The following BLNK variants were observed in gnomAD, a reference collection of about 807,000 sequenced individuals.
The protein encoded by BLNK is B-cell linker protein.
BLNK carries 29 observed loss-of-function variants against 73.5 expected under a neutral mutation model. The observed-to-expected ratio is 0.39, with a 90% CI of 0.29 to 0.54. The LOEUF (loss-of-function observed/expected upper bound fraction) is 0.54. BLNK is among the 20% of genes least tolerant of loss of function. The probability of loss-of-function intolerance (pLI) is 0.61; values close to 1 mark genes in which losing one functional copy is unlikely to be tolerated. For synonymous variants in BLNK, 176 were observed against 200.8 expected, an observed-to-expected ratio of 0.88 and a Z score of 1.04; for missense variants, 460 against 562.8, an observed-to-expected ratio of 0.82 and a Z score of 1.85.
At position 96,230,778 on chromosome 10, in the gene BLNK, A is replaced by C; in HGVS notation, c.204+16T>G. The C allele has an allele frequency of 6.2e-7, 1 of 1,606,490 alleles. No homozygotes were observed. The highest frequency in any genetic ancestry group is 8.5e-7 in the Non-Finnish European group (1 of 1,176,656). On this transcript the variant is annotated intron_variant, in intron 4 of 16. Transcript: ENST00000224337. The stretch of plus-strand genomic sequence containing the variant: ...GGGACCCTGATGCCCTCCTGGTCCC[A>C]GGAGCAAATACTTACAAAGTCATCG...
At chr10:96,270,585 A>G (rs1844226627) in intron 1 of BLNK, among the ~76,000 whole-genome samples, 7 of 151,748 alleles carry the variant, frequency 4.6e-5, no homozygotes, top group Admixed American at 4.6e-4. Context: ...CACCTTCTGC[A>G]CATGTACCCC....
intron 1 of BLNK, among the ~76,000 whole-genome samples, chr10:96,265,739 A>G (rs1270776153): frequency 6.6e-6 from 1 of 152,242 alleles, no homozygotes; most frequent in Non-Finnish European, 1.5e-5. Flanking sequence ...ATAGAAATGA[A>G]TATTTGCTTA....
intron 16 of BLNK, among the ~76,000 whole-genome samples, chr10:96,192,319 T>G (rs1554893644): frequency 6.7e-6 from 1 of 150,178 alleles, no homozygotes; most frequent in South Asian, 2.1e-4. Flanking sequence ...TCAATTAGCA[T>G]AGCTACTTAG....
At chr10:96,207,341 T>G (rs1554897653) in intron 10 of BLNK, among the ~76,000 whole-genome samples, 1 of 151,910 alleles carries the variant, frequency 6.6e-6, no homozygotes, top group African/African-American at 2.4e-5. Context: ...AGCTGCCACA[T>G]AGTAACCCAT....
intron 7 of BLNK, chr10:96,216,379 G>A: frequency 2.1e-6 from 1 of 483,386 alleles, no homozygotes; most frequent in Non-Finnish European, 3.8e-6. Flanking sequence ...AGCGAGGGCA[G>A]CTGAAGAGAA....
chr10:96,268,639 A>G (rs1473094344), intron 1 of BLNK, among the ~76,000 whole-genome samples: 1 of 152,166 alleles, frequency 6.6e-6, no homozygotes, highest in African/African-American at 2.4e-5. Flanking sequence ...TTCATCCAGA[A>G]CATTCCCTTT....
intron 8 of BLNK, among the ~76,000 whole-genome samples, chr10:96,212,340 T>C (rs2083967821): frequency 7.4e-6 from 1 of 134,284 alleles, no homozygotes; most frequent in South Asian, 2.4e-4. Context: ...GGATTCTGAA[T>C]AATAACAATA....
chr10:96,240,456 C>T (rs7069961), intron 3 of BLNK, among the ~76,000 whole-genome samples: 1,540 of 152,178 alleles, frequency 0.01, 27 homozygotes, highest in African/African-American at 0.035. Context: ...GATGGGATCT[C>T]GCTATATTGA....
rs1554894825 is a variant in BLNK, at chr10:96,196,943, G to C, written c.1216C>G (p.Gln406Glu). Residue 406 changes from glutamine (Q) to glutamate (E), a missense_variant, in exon 16 of 17, where the codon CAA becomes GAA. Physicochemically the swap from Gln to Glu is conservative, Grantham distance 29 (BLOSUM62 2). Transcript: ENST00000224337. ...TTTTTCTTTCTGCCCAAGGCATATT[G>C]TTTTGTTGCTTCAATAAATCGCACA... Reference protein sequence around the residue: ...IPVRFIEATKQYALGRKKNGE... With the variant: ...IPVRFIEATKEYALGRKKNGE... 6.8e-6 allele frequency: 11 copies of C among 1,613,302 alleles called. No individual in the cohort carries two copies. In the Admixed American group the frequency reaches 1.8e-4, roughly 27 times the overall value.
At chr10:96,233,020 G>T (rs1554904359) in intron 3 of BLNK, among the ~76,000 whole-genome samples, 1 of 152,088 alleles carries the variant, frequency 6.6e-6, no homozygotes, top group African/African-American at 2.4e-5. Flanking sequence ...TGCCCAGGCT[G>T]GTCTTGAACT....
intron 3 of BLNK, among the ~76,000 whole-genome samples, chr10:96,234,579 G>A (rs587673725): frequency 5.3e-5 from 8 of 152,230 alleles, no homozygotes; most frequent in African/African-American, 1.9e-4. Flanking sequence ...TTCCTCACCC[G>A]TAAAGCAAGG....
intron 1 of BLNK, among the ~76,000 whole-genome samples, chr10:96,260,208 A>C (rs1471934982): frequency 6.6e-6 from 1 of 152,222 alleles, no homozygotes; most frequent in African/African-American, 2.4e-5. Context: ...TCCTGTGTTC[A>C]TAGATGACAC....
intron 3 of BLNK, among the ~76,000 whole-genome samples, chr10:96,241,885 A>C (rs190283513): frequency 6.6e-5 from 10 of 152,018 alleles, no homozygotes; most frequent in Admixed American, 5.9e-4. Context: ...CCACACCTGG[A>C]TAATTTGCAT....
chr10:96,220,490 T>C (rs2084173925), intron 6 of BLNK, among the ~76,000 whole-genome samples: 1 of 152,258 alleles, frequency 6.6e-6, no homozygotes, highest in South Asian at 2.1e-4. Flanking sequence ...ATGTAAAATG[T>C]ATATTCCCAG....
At chr10:96,216,277 C>T in intron 7 of BLNK, 1 of 246,656 alleles carries the variant, frequency 4.1e-6, no homozygotes, top group African/African-American at 2.2e-5. Context: ...CATTTTTTCA[C>T]TCCTCTGCAG....
At chr10:96,254,849 C>T (rs1843444438) in intron 1 of BLNK, among the ~76,000 whole-genome samples, 2 of 152,184 alleles carry the variant, frequency 1.3e-5, no homozygotes, top group African/African-American at 4.8e-5. Flanking sequence ...TTAGACCTTA[C>T]ATCAATTGGC....
chr10:96,204,847 C>T, intron 11 of BLNK: 1 of 488,950 alleles, frequency 2.0e-6, no homozygotes, highest in Admixed American at 3.0e-5. Context: ...ACCACCTCTG[C>T]ATTCATCCAC....
At chr10:96,234,868 GA>G (rs1277751308) in intron 3 of BLNK, among the ~76,000 whole-genome samples, 7 of 152,344 alleles carry the variant, frequency 4.6e-5, no homozygotes, top group Middle Eastern at 3.4e-3. Context: ...GGGCCAGGTG[GA>G]TTGATTTTGT....
intron 9 of BLNK, 39 bp from the exon 10 acceptor site, chr10:96,207,938 C>T (rs369439501): frequency 6.1e-5 from 98 of 1,605,042 alleles, no homozygotes; most frequent in Middle Eastern, 1.7e-4. Flanking sequence ...TAAAACACAA[C>T]GAAGACAAAA....
Sources: gnomAD v4.1 joint callset for allele counts (sites outside exome capture counted in the v4.1 genomes callset) on GRCh38, gnomAD v4.1.1 for gene constraint, MANE v1.5 for transcripts, NCBI Gene and HGNC (gene_info 2026-07-23, HGNC 2026-07-21) for gene names.